The following PTPRN2 variants were observed in gnomAD, a reference collection of about 807,000 sequenced individuals.
PTPRN2 encodes protein tyrosine phosphatase receptor type N2, also known as receptor-type tyrosine-protein phosphatase N2.
Under a neutral mutation model 118.8 loss-of-function variants are expected in PTPRN2, and 74 were observed. The ratio of observed to expected loss-of-function variants is 0.62; its 90% CI spans 0.52 to 0.76. The LOEUF (loss-of-function observed/expected upper bound fraction) is 0.76, where lower values mean the gene tolerates loss of function less well. PTPRN2 is among the 30% of genes least tolerant of loss of function. PTPRN2 has a pLI of 0.00. For synonymous variants in PTPRN2, 641 were observed against 608.0 expected (o/e 1.05, Z -0.80); for missense variants, 1,481 against 1,394.4 (o/e 1.06, Z -0.99).
At chr7:157,616,110 C>T (rs896050843) in intron 15 of PTPRN2, 2 of 158,450 alleles carry the variant, frequency 1.3e-5, no homozygotes, top group Non-Finnish European at 2.8e-5. Context: ...CTGTGAGACC[C>T]TCCCCACACG....
intron 11 of PTPRN2, among the ~76,000 whole-genome samples, chr7:157,975,610 C>A (rs1802687130): frequency 6.6e-6 from 1 of 152,206 alleles, no homozygotes; most frequent in African/African-American, 2.4e-5. Context: ...ACAGATGTCA[C>A]ATGGGTGTCA....
chr7:157,755,221 GATGTAAAT>G (rs1801711510), intron 12 of PTPRN2, among the ~76,000 whole-genome samples: 1 of 152,260 alleles, frequency 6.6e-6, no homozygotes, highest in East Asian at 1.9e-4. Context: ...CTTTATGAAA[GATGTAAAT>G]ATGTAAATAT....
chr7:157,897,161 G>A (rs1462105585), intron 12 of PTPRN2, among the ~76,000 whole-genome samples: 3 of 152,136 alleles, frequency 2.0e-5, no homozygotes, highest in African/African-American at 7.2e-5. Context: ...GAATGACTTA[G>A]CACCAACCAC....
intron 13 of PTPRN2, among the ~76,000 whole-genome samples, chr7:157,682,412 G>A (rs1044104974): frequency 6.6e-6 from 1 of 152,192 alleles, no homozygotes; most frequent in Non-Finnish European, 1.5e-5. Flanking sequence ...TTCAGTAGTA[G>A]TGGCCAAACT....
At chr7:157,979,127 G>A (rs993720252) in intron 11 of PTPRN2, among the ~76,000 whole-genome samples, 2 of 152,018 alleles carry the variant, frequency 1.3e-5, no homozygotes, top group Non-Finnish European at 2.9e-5. Flanking sequence ...AGGAGGGATT[G>A]TTTCTCTTTC....
intron 11 of PTPRN2, among the ~76,000 whole-genome samples, chr7:158,043,486 G>C (rs917830061): frequency 1.3e-5 from 2 of 152,208 alleles, no homozygotes; most frequent in African/African-American, 4.8e-5. Context: ...CTCGTCACCT[G>C]ACTTTAAAGG....
chr7:157,878,455 G>A (rs1433764277), intron 12 of PTPRN2, among the ~76,000 whole-genome samples: 7 of 136,886 alleles, frequency 5.1e-5, no homozygotes, highest in East Asian at 2.3e-4. Context: ...AGGAGCTCTC[G>A]GATTCCGTGG....
At chr7:157,707,378 T>G (rs1334462607) in intron 12 of PTPRN2, among the ~76,000 whole-genome samples, 5 of 151,998 alleles carry the variant, frequency 3.3e-5, no homozygotes, top group Non-Finnish European at 5.9e-5. Context: ...CACACGTGCA[T>G]GGACACCCCC....
At chr7:158,441,361 A>ATGCAGTGG (rs1817157185) in intron 2 of PTPRN2, among the ~76,000 whole-genome samples, 4 of 132,726 alleles carry the variant, frequency 3.0e-5, no homozygotes, top group South Asian at 5.1e-4. Context: ...GGTGATGGTG[A>ATGCAGTGG]TGGCAGTGGT....
chr7:157,604,514 G>A (rs1801886452), intron 15 of PTPRN2, among the ~76,000 whole-genome samples: 1 of 152,170 alleles, frequency 6.6e-6, no homozygotes, highest in South Asian at 2.1e-4. Context: ...TACCATGCTG[G>A]CCTTTAAATC....
At chr7:158,150,430 A>C (rs137958212) in intron 6 of PTPRN2, among the ~76,000 whole-genome samples, 24 of 152,292 alleles carry the variant, frequency 1.6e-4, no homozygotes, top group Middle Eastern at 3.4e-3. Flanking sequence ...GAAAAGTGGC[A>C]GCTCTGCCGC....
At position 158,582,987 on chromosome 7, in the gene PTPRN2, C is replaced by T. The variant is rs77761590; in HGVS notation, c.112+4571G>A. On this transcript the variant is annotated intron_variant, in intron 1 of 22. Coordinates refer to ENST00000389418, the MANE Select transcript of PTPRN2 (RefSeq NM_002847.5). Reference sequence around the variant, plus strand: ...CCTCCAAGAGGCAGTAGTCATGGCTCACCCGCAAAGCCAGTTGCATTGAGT... The same window carrying T: ...CCTCCAAGAGGCAGTAGTCATGGCTTACCCGCAAAGCCAGTTGCATTGAGT... Among the ~76,000 whole-genome samples the T allele has an allele frequency of 4.6e-3, 696 of 152,232 alleles. 4 individuals are homozygous for T. Among genetic ancestry groups the T allele is most frequent in the African/African-American group, 0.016 (680 of 41,530 alleles).
At chr7:158,207,848 A>G (rs575062562) in intron 3 of PTPRN2, among the ~76,000 whole-genome samples, 15 of 152,364 alleles carry the variant, frequency 9.8e-5, no homozygotes, top group African/African-American at 3.6e-4. Context: ...TTTCAGACAA[A>G]GAATTCAAAA....
chr7:158,566,509 C>G (rs1175876768), intron 1 of PTPRN2, among the ~76,000 whole-genome samples: 1 of 152,192 alleles, frequency 6.6e-6, no homozygotes, highest in African/African-American at 2.4e-5. Flanking sequence ...GCCACAAGCA[C>G]CGCACAAAAG....
rs1563067308 is a variant in PTPRN2, at chr7:158,270,786, CCTCCACCTGGACCACCCCCT to C, written c.277+46013_277+46032del. 4.4e-4 allele frequency among the ~76,000 whole-genome samples: 54 copies of C among 122,846 alleles called. 3 individuals carry two copies. The highest frequency in any genetic ancestry group is 7.9e-4 in the Non-Finnish European group (46 of 58,482). The allele number at this position is 122,846 out of a possible 152,430, so 80.6% of individuals were successfully genotyped here. A position where few individuals can be genotyped will look rare whatever the true frequency, so the allele number is the denominator to read the frequency against. The stretch of plus-strand genomic sequence containing the variant: ...GACCACCCCGTCCACCTGGACCACC[CCTCCACCTGGACCACCCCCT>C]CACCTGGACCGCCCCCTCCACCTGG... On this transcript the variant is annotated intron_variant, in intron 3 of 22. Coordinates refer to ENST00000389418, the MANE Select transcript of PTPRN2 (RefSeq NM_002847.5).
intron 2 of PTPRN2, among the ~76,000 whole-genome samples, chr7:158,442,320 G>A (rs1817408384): frequency 6.6e-6 from 1 of 152,138 alleles, no homozygotes; most frequent in Non-Finnish European, 1.5e-5. Context: ...CTGAGCCTGA[G>A]AACCCTGAAA....
At position 158,239,944 on chromosome 7, in the gene PTPRN2, C is replaced by T. The variant is rs188690218; in HGVS notation, c.278-34671G>A. ...CGTTGAGGGTGTGGTGCGGGCAATA[C>T]ACAGACTAAGAGTGGGAACTGGCGA... On this transcript the variant is annotated intron_variant, in intron 3 of 22. Coordinates refer to ENST00000389418, the MANE Select transcript of PTPRN2 (RefSeq NM_002847.5). Among the ~76,000 whole-genome samples the T allele has an allele frequency of 5.3e-3, 813 of 152,214 alleles. 12 individuals carry two copies. The highest frequency in any genetic ancestry group is 0.018 in the African/African-American group (754 of 41,524).
At chr7:157,772,386 C>G (rs1667101061) in intron 12 of PTPRN2, among the ~76,000 whole-genome samples, 1 of 152,064 alleles carries the variant, frequency 6.6e-6, no homozygotes, top group Admixed American at 6.5e-5. Flanking sequence ...CACACAGATA[C>G]ACAGACACAA....
At chr7:157,853,636 A>G (rs1809459051) in intron 12 of PTPRN2, among the ~76,000 whole-genome samples, 1 of 152,134 alleles carries the variant, frequency 6.6e-6, no homozygotes. Flanking sequence ...GAACTGTCCG[A>G]GGAGCCTCCT....
Sources: allele counts gnomAD v4.1 joint callset (sites outside exome capture counted in the v4.1 genomes callset), GRCh38; gene constraint gnomAD v4.1.1; transcripts MANE v1.5; gene names NCBI Gene and HGNC (gene_info 2026-07-23, HGNC 2026-07-21).